KCNQ3: variants seen among roughly 807,000 people sequenced by gnomAD.
The protein encoded by KCNQ3 is potassium voltage-gated channel subfamily KQT member 3.
Under a neutral mutation model 92.5 loss-of-function variants are expected in KCNQ3, and 30 were observed. The ratio of observed to expected loss-of-function variants is 0.32; its 90% CI spans 0.24 to 0.44. The LOEUF (loss-of-function observed/expected upper bound fraction) is 0.44. Ranked by LOEUF, KCNQ3 falls within the 20% of genes least tolerant of loss-of-function variation. The probability of loss-of-function intolerance (pLI) is 1.00; values close to 1 mark genes in which losing one functional copy is unlikely to be tolerated. For synonymous variants in KCNQ3, 450 were observed against 468.8 expected (o/e 0.96, Z 0.52); for missense variants, 913 against 1,140.3 (o/e 0.80, Z 2.87).
At chr8:132,191,549 A>G (rs1028596602) in intron 1 of KCNQ3, among the ~76,000 whole-genome samples, 6 of 149,222 alleles carry the variant, frequency 4.0e-5, no homozygotes, top group African/African-American at 1.2e-4. Context: ...ATATGGATGG[A>G]TATATATATA....
intron 1 of KCNQ3, among the ~76,000 whole-genome samples, chr8:132,389,586 A>G (rs1819994900): frequency 6.6e-6 from 1 of 152,260 alleles, no homozygotes; most frequent in Non-Finnish European, 1.5e-5. Context: ...AGGAAAACAC[A>G]GGCAACCTAA....
At chr8:132,283,090 CTCGTGT>C (rs1197901007) in intron 1 of KCNQ3, among the ~76,000 whole-genome samples, 27 of 137,830 alleles carry the variant, frequency 2.0e-4, no homozygotes, top group Admixed American at 5.5e-4. Flanking sequence ...CTCTCTCTCT[CTCGTGT>C]GTGTGTGTGT....
At chr8:132,385,315 C>T (rs894201700) in intron 1 of KCNQ3, among the ~76,000 whole-genome samples, 34 of 152,242 alleles carry the variant, frequency 2.2e-4, no homozygotes, top group Non-Finnish European at 7.3e-5. Flanking sequence ...AAGGTACTTC[C>T]TTAGAAATAG....
intron 1 of KCNQ3, among the ~76,000 whole-genome samples, chr8:132,477,381 T>C (rs1252355579): frequency 1.3e-5 from 2 of 148,450 alleles, no homozygotes; most frequent in Admixed American, 1.3e-4. Context: ...CACTAGATTG[T>C]AGGCCTATGG....
At chr8:132,163,380 C>A (rs911699647) in intron 9 of KCNQ3, 88 bp downstream of exon 9, 2 of 1,088,152 alleles carry the variant, frequency 1.8e-6, no homozygotes, top group Non-Finnish European at 2.9e-6. Flanking sequence ...ACCAGCATGA[C>A]CTCCCATGGG....
chr8:132,211,510 T>C (rs1264686377), intron 1 of KCNQ3, among the ~76,000 whole-genome samples: 2 of 152,214 alleles, frequency 1.3e-5, no homozygotes, highest in African/African-American at 4.8e-5. Context: ...AATACTCTGA[T>C]CTATAAATGT....
At chr8:132,412,364 G>C (rs768747600) in intron 1 of KCNQ3, among the ~76,000 whole-genome samples, 36 of 151,980 alleles carry the variant, frequency 2.4e-4, no homozygotes, top group Admixed American at 4.6e-4. Flanking sequence ...TGACTCAGGT[G>C]ATCCATAAAG....
At chr8:132,445,778 C>T (rs994174992) in intron 1 of KCNQ3, among the ~76,000 whole-genome samples, 3 of 151,588 alleles carry the variant, frequency 2.0e-5, no homozygotes, top group African/African-American at 7.3e-5. Flanking sequence ...CACAACTACC[C>T]CATTTCACAG....
chr8:132,126,930 G>T lies in KCNQ3; in HGVS notation c.*2332C>A, dbSNP rs1001126533. Reference sequence around the variant, plus strand: ...AATAAGTAAGTTAAAAAATTAATTGGCGCATATGTGGAGAGTATGACTCAC... The same window carrying T: ...AATAAGTAAGTTAAAAAATTAATTGTCGCATATGTGGAGAGTATGACTCAC... On this transcript the variant is annotated 3_prime_UTR_variant, in exon 15 of 15. Coordinates refer to ENST00000388996, the MANE Select transcript of KCNQ3 (RefSeq NM_004519.4). 6.6e-6 allele frequency: 1 copy of T among 152,082 alleles called. No individual in the cohort carries two copies. The highest frequency in any genetic ancestry group is 6.5e-5 in the Admixed American group (1 of 15,270). 9.4% of individuals were successfully genotyped at this position (152,082 alleles called of 1,614,324 possible). A position where few individuals can be genotyped will look rare whatever the true frequency, so the allele number is the denominator to read the frequency against.
intron 13 of KCNQ3, 64 bp downstream of exon 13, chr8:132,134,226 G>C (rs150300505): frequency 3.4e-6 from 4 of 1,174,528 alleles, no homozygotes; most frequent in Non-Finnish European, 5.1e-6. Flanking sequence ...GCAGAGGTTT[G>C]GGGGTGGGGA....
At chr8:132,353,762 C>T (rs1340980270) in intron 1 of KCNQ3, among the ~76,000 whole-genome samples, 5 of 151,984 alleles carry the variant, frequency 3.3e-5, no homozygotes, top group African/African-American at 2.4e-5. Context: ...TGCAGTGAGC[C>T]GAGATCATGC....
intron 1 of KCNQ3, among the ~76,000 whole-genome samples, chr8:132,266,694 G>A (rs931960350): frequency 6.6e-6 from 1 of 152,164 alleles, no homozygotes; most frequent in Non-Finnish European, 1.5e-5. Flanking sequence ...CACGATCTCT[G>A]AAGGCCATGT....
At chr8:132,464,829 A>G (rs1296391432) in intron 1 of KCNQ3, among the ~76,000 whole-genome samples, 2 of 152,206 alleles carry the variant, frequency 1.3e-5, no homozygotes, top group Non-Finnish European at 2.9e-5. Flanking sequence ...CTAGTCCCTC[A>G]AGAGCAGAAA....
At chr8:132,426,504 G>A (rs138355478) in intron 1 of KCNQ3, among the ~76,000 whole-genome samples, 3 of 152,330 alleles carry the variant, frequency 2.0e-5, no homozygotes, top group Admixed American at 6.5e-5. Flanking sequence ...AGCATGGCAC[G>A]CAGTGTCCTC....
At chr8:132,437,830 C>A (rs1205084808) in intron 1 of KCNQ3, among the ~76,000 whole-genome samples, 1 of 152,220 alleles carries the variant, frequency 6.6e-6, no homozygotes, top group East Asian at 1.9e-4. Context: ...ACTAACTCTA[C>A]TGAGGTTTTT....
At chr8:132,173,951 T>C (rs1826464709) in intron 6 of KCNQ3, among the ~76,000 whole-genome samples, 1 of 152,188 alleles carries the variant, frequency 6.6e-6, no homozygotes, top group African/African-American at 2.4e-5. Context: ...AATCCTAGCA[T>C]AGGGCCAGAA....
At chr8:132,213,114 A>G (rs2130307115) in intron 1 of KCNQ3, among the ~76,000 whole-genome samples, 1 of 152,288 alleles carries the variant, frequency 6.6e-6, no homozygotes, top group Admixed American at 6.5e-5. Flanking sequence ...AATGGTGTCT[A>G]ATGGACTTCT....
At chr8:132,461,772 C>T (rs1044951875) in intron 1 of KCNQ3, among the ~76,000 whole-genome samples, 62 of 152,272 alleles carry the variant, frequency 4.1e-4, no homozygotes, top group African/African-American at 1.4e-3. Flanking sequence ...AATTCCCTAA[C>T]GAAATTATAT....
intron 11 of KCNQ3, 102 bp from the exon 12 acceptor site, chr8:132,138,118 A>G: frequency 7.3e-7 from 1 of 1,363,692 alleles, no homozygotes; most frequent in Non-Finnish European, 1.0e-6. Context: ...AAAGAACCAA[A>G]GATAAAAGAG....
Sources: gnomAD v4.1 joint callset for allele counts (sites outside exome capture counted in the v4.1 genomes callset) on GRCh38, gnomAD v4.1.1 for gene constraint, MANE v1.5 for transcripts, NCBI Gene and HGNC (gene_info 2026-07-23, HGNC 2026-07-21) for gene names.